The following CAST variants were observed in gnomAD, a reference collection of about 807,000 sequenced individuals.
CAST encodes calpastatin.
A neutral mutation model predicts 119.6 loss-of-function variants in CAST; 76 were observed. The observed-to-expected ratio is 0.64, with a 90% CI of 0.53 to 0.77. The LOEUF is 0.77. CAST is among the 30% of genes least tolerant of loss of function. CAST has a pLI of 0.00. For missense variants in CAST, 953 were observed against 946.5 expected, an observed-to-expected ratio of 1.01 and a Z score of -0.09; for synonymous variants, 319 against 331.6, an observed-to-expected ratio of 0.96 and a Z score of 0.41.
chr5:96,399,116 C>CAAGA, the CAST span: 1 of 1,012,276 alleles, frequency 9.9e-7, no homozygotes, highest in Non-Finnish European at 1.5e-6. Context: ...ATGCATCAAT[C>CAAGA]TTGACTAGAT....
chr5:96,302,934 A>AT, the CAST span, among the ~76,000 whole-genome samples: 1 of 152,004 alleles, frequency 6.6e-6, no homozygotes, highest in Non-Finnish European at 1.5e-5. Context: ...TCACTTCCAC[A>AT]TTTTCAGATC....
intron 1 of CAST, among the ~76,000 whole-genome samples, chr5:96,634,350 A>G (rs574527092): frequency 1.3e-5 from 2 of 152,356 alleles, no homozygotes; most frequent in East Asian, 3.9e-4. Flanking sequence ...GAGTTCTACA[A>G]TGCAAGATTG....
the CAST span, among the ~76,000 whole-genome samples, chr5:96,403,841 A>AT: frequency 1.3e-5 from 2 of 151,972 alleles, no homozygotes; most frequent in East Asian, 1.9e-4. Flanking sequence ...TTTTGTTGTG[A>AT]TTTTTTTCCA....
the CAST span, among the ~76,000 whole-genome samples, chr5:96,319,848 A>G: frequency 1.3e-5 from 2 of 151,852 alleles, no homozygotes; most frequent in Non-Finnish European, 2.9e-5. Flanking sequence ...GCCAGATAAA[A>G]TTTCCATCAA....
At chr5:96,650,053 T>C (rs2150204815) in intron 1 of CAST, among the ~76,000 whole-genome samples, 1 of 152,342 alleles carries the variant, frequency 6.6e-6, no homozygotes. Context: ...AGAGATTGAA[T>C]AAATTACACA....
the CAST span, among the ~76,000 whole-genome samples, chr5:96,437,751 T>C: frequency 6.6e-6 from 1 of 152,166 alleles, no homozygotes; most frequent in Non-Finnish European, 1.5e-5. Flanking sequence ...TCATACGCAA[T>C]TAAAGTTTGA....
chr5:96,025,975 G>A, the CAST span, among the ~76,000 whole-genome samples: 4 of 152,204 alleles, frequency 2.6e-5, no homozygotes, highest in Non-Finnish European at 5.9e-5. Flanking sequence ...GCTCATGCCT[G>A]TATTCCCAGC....
chr5:96,648,865 A>AT (rs1251344005), intron 1 of CAST, among the ~76,000 whole-genome samples: 1 of 152,060 alleles, frequency 6.6e-6, no homozygotes, highest in Non-Finnish European at 1.5e-5. Flanking sequence ...AAGATGGTCC[A>AT]TTCACCTGAC....
At chr5:96,305,634 A>G in the CAST span, among the ~76,000 whole-genome samples, 1 of 152,006 alleles carries the variant, frequency 6.6e-6, no homozygotes, top group Admixed American at 6.6e-5. Flanking sequence ...TTCCATCGAT[A>G]CCTAGTTTTT....
the CAST span, among the ~76,000 whole-genome samples, chr5:96,407,650 G>A: frequency 2.6e-5 from 4 of 152,182 alleles, no homozygotes; most frequent in African/African-American, 9.6e-5. Flanking sequence ...TGACAATGGT[G>A]TTTAAGCATG....
the CAST span, among the ~76,000 whole-genome samples, chr5:96,452,493 G>A: frequency 3.3e-5 from 5 of 152,028 alleles, no homozygotes; most frequent in African/African-American, 1.2e-4. Context: ...GGCCTGTTGC[G>A]GGGTAGGAGG....
chr5:96,662,258 C>A, upstream of CAST: 2 of 853,728 alleles, frequency 2.3e-6, no homozygotes, highest in Non-Finnish European at 3.2e-6. Flanking sequence ...GCTAGGGGAA[C>A]CCCGGCGCAG....
chr5:96,560,541 G>A (rs1357541692), intron 1 of CAST, among the ~76,000 whole-genome samples: 2 of 152,212 alleles, frequency 1.3e-5, no homozygotes, highest in Admixed American at 6.5e-5. Flanking sequence ...AGTGGGCAAA[G>A]GATGTGAACA....
the CAST span, among the ~76,000 whole-genome samples, chr5:96,032,903 C>T: frequency 6.6e-6 from 1 of 152,050 alleles, no homozygotes; most frequent in Non-Finnish European, 1.5e-5. Context: ...TCTGCAGATG[C>T]CATGACCTCA....
At chr5:96,618,881 G>A (rs936470783) in intron 1 of CAST, among the ~76,000 whole-genome samples, 9 of 152,366 alleles carry the variant, frequency 5.9e-5, no homozygotes, top group South Asian at 2.1e-4. Context: ...AGCTCTGCCC[G>A]CAGCCCCGGC....
At chr5:96,429,910 T>C in the CAST span, among the ~76,000 whole-genome samples, 1 of 152,222 alleles carries the variant, frequency 6.6e-6, no homozygotes, top group African/African-American at 2.4e-5. Flanking sequence ...ATGTTTTTCA[T>C]GTGTGACAAT....
At chr5:96,323,894 C>T in the CAST span, among the ~76,000 whole-genome samples, 1 of 152,214 alleles carries the variant, frequency 6.6e-6, no homozygotes, top group Non-Finnish European at 1.5e-5. Context: ...CTCTAGACCA[C>T]GTGCTCTTTT....
At chr5:95,991,523 GAGACAA>G in the CAST span, among the ~76,000 whole-genome samples, 381 of 23,386 alleles carry the variant, frequency 0.016, no homozygotes, top group Non-Finnish European at 0.028. Context: ...TTTTTTTTTT[GAGACAA>G]AGGTCTCACT....
chr5:96,168,025 T>C, the CAST span, among the ~76,000 whole-genome samples: 20 of 152,252 alleles, frequency 1.3e-4, no homozygotes, highest in East Asian at 5.8e-4. Context: ...GGCTTGTAAC[T>C]TACATAGAAG....
Sources: gnomAD v4.1 joint callset for allele counts (sites outside exome capture counted in the v4.1 genomes callset) on GRCh38, gnomAD v4.1.1 for gene constraint, MANE v1.5 for transcripts, NCBI Gene and HGNC (gene_info 2026-07-23, HGNC 2026-07-21) for gene names.